The following SLC35E4 variants were observed in gnomAD, a reference collection of about 807,000 sequenced individuals.
SLC35E4 encodes the protein solute carrier family 35, member E4.
A neutral mutation model predicts 19.3 loss-of-function variants in SLC35E4; 15 were observed. The ratio of observed to expected loss-of-function variants is 0.78; its 90% CI spans 0.52 to 1.20. SLC35E4 has a LOEUF of 1.20. SLC35E4 is among the 50% of genes most tolerant of loss of function. The pLI is 0.00. For missense variants in SLC35E4, 406 were observed against 472.3 expected, an observed-to-expected ratio of 0.86 and a Z score of 1.30; for synonymous variants, 219 against 219.9, an observed-to-expected ratio of 1.00 and a Z score of 0.04.
chr22:30,665,911 C>T (rs368051747), downstream of SLC35E4, among the ~76,000 whole-genome samples: 2 of 136,550 alleles, frequency 1.5e-5, no homozygotes, highest in Admixed American at 7.4e-5. Context: ...TCTCTGGCAG[C>T]GTGTCTCCAG....
In SLC35E4 at chr22:30,636,237, G is replaced by A. The variant is rs1050305165; in HGVS notation, c.-214G>A. ...GAGACCCTGGCATCCTAGCAGCCGC[G>A]ACCTTGGCTCTGCCCTGTCTGAGCT... On this transcript the variant is annotated 5_prime_UTR_variant, in exon 1 of 2. Transcript: ENST00000343605. The A allele has an allele frequency of 1.6e-6, 1 of 622,498 alleles. No individual in the cohort carries two copies. The allele number at this position is 622,498 out of a possible 1,614,324, so 38.6% of individuals were successfully genotyped here.
At position 30,636,508 on chromosome 22, in the gene SLC35E4, G is replaced by A. The variant is rs764196135; in HGVS notation, c.58G>A (p.Ala20Thr). 231 of 1,541,822 alleles carry A rather than the reference G, an allele frequency of 1.5e-4. No individual in the cohort carries two copies. The highest frequency in any genetic ancestry group is 1.9e-4 in the Non-Finnish European group (218 of 1,140,968). Residue 20 changes from alanine (A) to threonine (T), a missense_variant, in exon 1 of 2, where the codon GCA becomes ACA. Ala to Thr is a moderately conservative substitution (Grantham distance 58, BLOSUM62 0). Coordinates refer to ENST00000343605, the MANE Select transcript of SLC35E4 (RefSeq NM_001001479.4). ...CAGGATGACCTCAGCCGAAGTAGGA[G>A]CAGCAGCTGGTGGTGCTCAGGCGGC... ...DGRMTSAEVG[A>T]AAGGAQAAGP... is the part of the protein sequence containing the mutation.
chr22:30,656,877 G>C (rs1318506066), intron 2 of SLC35E4, among the ~76,000 whole-genome samples: 3 of 152,190 alleles, frequency 2.0e-5, no homozygotes, highest in Non-Finnish European at 4.4e-5. Flanking sequence ...CACTTTCGGA[G>C]GCTGAGGAGG....
intron 1 of SLC35E4, among the ~76,000 whole-genome samples, chr22:30,644,269 A>G (rs2145580689): frequency 6.6e-6 from 1 of 152,336 alleles, no homozygotes; most frequent in South Asian, 2.1e-4. Flanking sequence ...ATTGAGAGAG[A>G]AATAAAATTT....
chr22:30,658,449 CA>C (rs547267401), intron 2 of SLC35E4, among the ~76,000 whole-genome samples: 125 of 151,608 alleles, frequency 8.2e-4, no homozygotes, highest in Middle Eastern at 6.8e-3. Flanking sequence ...AAAACTCTGA[CA>C]AAGCGGAATC....
At chr22:30,645,412 T>C (rs1404317626) in intron 1 of SLC35E4, among the ~76,000 whole-genome samples, 2 of 152,064 alleles carry the variant, frequency 1.3e-5, no homozygotes, top group Non-Finnish European at 2.9e-5. Context: ...CTGGCCAACA[T>C]GGCGAAACCC....
At chr22:30,659,083 C>T (rs901524090) in intron 2 of SLC35E4, among the ~76,000 whole-genome samples, 1 of 143,704 alleles carries the variant, frequency 7.0e-6, no homozygotes, top group Admixed American at 7.2e-5. Context: ...GGGATTGCGC[C>T]ATTGCACTCC....
At chr22:30,661,279 CTT>C (rs2088458771) in intron 2 of SLC35E4, among the ~76,000 whole-genome samples, 1 of 151,984 alleles carries the variant, frequency 6.6e-6, no homozygotes, top group South Asian at 2.1e-4. Context: ...AAATCTAAAA[CTT>C]TTTGAGAGCT....
chr22:30,655,288 T>C (rs1172034126), intron 2 of SLC35E4, among the ~76,000 whole-genome samples: 3 of 143,026 alleles, frequency 2.1e-5, no homozygotes, highest in Non-Finnish European at 4.5e-5. Context: ...AAACCCTGTC[T>C]CTACGGAAAA....
downstream of SLC35E4, chr22:30,663,799 C>G (rs770466616): frequency 1.2e-6 from 2 of 1,614,082 alleles, no homozygotes; most frequent in African/African-American, 2.7e-5. Flanking sequence ...GCCACAGGTA[C>G]CTGCATGTAC....
At chr22:30,640,320 G>C (rs1444390599) in intron 1 of SLC35E4, among the ~76,000 whole-genome samples, 1 of 148,662 alleles carries the variant, frequency 6.7e-6, no homozygotes, top group Non-Finnish European at 1.5e-5. Context: ...GCAGTGAGCC[G>C]AGATCACGCC....
At position 30,636,482 on chromosome 22, in the gene SLC35E4, G is replaced by T. The variant is rs1405676815; in HGVS notation, c.32G>T (p.Gly11Val). The change falls in exon 1 of 2, where the codon GGC becomes GTC. Residue 11 changes from glycine (G) to valine (V), a missense_variant. Transcript: ENST00000343605. MCRCPPEHHDGRMTSAEVGAA... is the reference protein window; with the variant it reads MCRCPPEHHDVRMTSAEVGAA... Reference sequence around the variant, plus strand: ...CGCTGCCCGCCGGAGCACCATGATGGCAGGATGACCTCAGCCGAAGTAGGA... The same window carrying T: ...CGCTGCCCGCCGGAGCACCATGATGTCAGGATGACCTCAGCCGAAGTAGGA... 2.0e-6 allele frequency: 3 copies of T among 1,517,600 alleles called. No homozygotes were observed. The highest frequency in any genetic ancestry group is 2.7e-6 in the Non-Finnish European group (3 of 1,126,554). The allele number at this position is 1,517,600 out of a possible 1,614,324, so 94.0% of individuals were successfully genotyped here.
Position 30,657,316 on chromosome 22 carries a change from G to A in SLC35E4, c.*9-4744G>A, listed in dbSNP as rs566012216. 4.2e-3 allele frequency among the ~76,000 whole-genome samples: 641 copies of A among 151,488 alleles called. 2 individuals carry two copies. The highest frequency in any genetic ancestry group is 0.021 in the Middle Eastern group (6 of 288). On this transcript the variant is annotated intron_variant, in intron 2 of 2. Transcript: ENST00000406566. The stretch of plus-strand genomic sequence containing the variant: ...ACACACACACACACACAAATTAGCC[G>A]GGCGTGGGGGCGGGCACCTGTAATC...
chr22:30,636,417 G>T lies in SLC35E4; in HGVS notation c.-34G>T. ...TGGTGGCCCAGAGGTCGTCACTGGG[G>T]AGCCCGCCTCCTGCCCTAGCCTCAC... On this transcript the variant is annotated 5_prime_UTR_variant, in exon 1 of 2. Coordinates refer to ENST00000343605, the MANE Select transcript of SLC35E4 (RefSeq NM_001001479.4). 1 of 1,449,370 alleles carries T rather than the reference G, an allele frequency of 6.9e-7. No homozygotes were observed. The allele number at this position is 1,449,370 out of a possible 1,614,324, so 89.8% of individuals were successfully genotyped here.
intron 2 of SLC35E4, chr22:30,653,989 T>C (rs891068083): frequency 6.3e-6 from 1 of 157,570 alleles, no homozygotes; most frequent in Non-Finnish European, 1.4e-5. Context: ...TTTTTTGTTT[T>C]TTTTTTTTGA....
At chr22:30,654,503 T>C in intron 2 of SLC35E4, 2 of 432,360 alleles carry the variant, frequency 4.6e-6, no homozygotes, top group Non-Finnish European at 9.2e-6. Context: ...GTTAAACACC[T>C]TGAGGCGGTC....
rs544790154 is a variant in SLC35E4, at chr22:30,668,865, C to T, written c.*1267C>T. On this transcript the variant is annotated 3_prime_UTR_variant, in exon 3 of 3. Coordinates refer to the SLC35E4 transcript ENST00000451479. ...GGAAAGCAATTTGGTTCAAAATAAC[C>T]ATTATTTATTACTTGAAAGGGAATA... is the stretch of plus-strand genomic sequence containing the variant. 7 of 152,288 alleles carry T rather than the reference C, an allele frequency of 4.6e-5. No homozygotes were observed. The East Asian group carries it at 1.3e-3, about 29-fold the overall frequency. The allele number at this position is 152,288 out of a possible 1,614,324, so 9.4% of individuals were successfully genotyped here. A position where few individuals can be genotyped will look rare whatever the true frequency, so the allele number is the denominator to read the frequency against.
chr22:30,660,823 G>T (rs1223218592), intron 2 of SLC35E4, among the ~76,000 whole-genome samples: 1 of 151,816 alleles, frequency 6.6e-6, no homozygotes, highest in Non-Finnish European at 1.5e-5. Context: ...AACCATGGAG[G>T]CCAGAAGGCA....
At chr22:30,638,610 G>A (rs546286749) in intron 1 of SLC35E4, among the ~76,000 whole-genome samples, 3 of 151,566 alleles carry the variant, frequency 2.0e-5, no homozygotes, top group South Asian at 2.1e-4. Flanking sequence ...TCAGGAGTTC[G>A]AGACCAGCCT....
Sources: allele counts gnomAD v4.1 joint callset (sites outside exome capture counted in the v4.1 genomes callset), GRCh38; gene constraint gnomAD v4.1.1; transcripts MANE v1.5; gene names NCBI Gene and HGNC (gene_info 2026-07-23, HGNC 2026-07-21).